The following CDC42BPA variants were observed in gnomAD, a reference collection of about 807,000 sequenced individuals.
CDC42BPA encodes the protein serine/threonine-protein kinase MRCK alpha.
CDC42BPA carries 80 observed loss-of-function variants against 223.5 expected under a neutral mutation model. The ratio of observed to expected loss-of-function variants is 0.36; its 90% CI spans 0.30 to 0.43. The LOEUF is 0.43. Among genes scored for constraint, CDC42BPA ranks in the 20% least tolerant of loss-of-function variants. The probability of loss-of-function intolerance (pLI) is 1.00; values close to 1 mark genes in which losing one functional copy is unlikely to be tolerated. For synonymous variants in CDC42BPA, 694 were observed against 718.6 expected, an observed-to-expected ratio of 0.97 and a Z score of 0.55; for missense variants, 1,743 against 2,099.9, an observed-to-expected ratio of 0.83 and a Z score of 3.32.
chr1:227,015,265 A>G (rs1665981316), intron 34 of CDC42BPA, among the ~76,000 whole-genome samples: 1 of 152,004 alleles, frequency 6.6e-6, no homozygotes, highest in African/African-American at 2.4e-5. Context: ...CTCTACTAAA[A>G]ATACAAAATT....
intron 3 of CDC42BPA, among the ~76,000 whole-genome samples, chr1:227,203,666 C>T (rs189094733): frequency 8.5e-5 from 13 of 152,308 alleles, no homozygotes; most frequent in Admixed American, 7.8e-4. Flanking sequence ...GATCATATCA[C>T]TTCCTCGGAT....
intron 17 of CDC42BPA, among the ~76,000 whole-genome samples, chr1:227,076,171 CCTT>C (rs1217082433): frequency 6.6e-6 from 1 of 152,044 alleles, no homozygotes; most frequent in African/African-American, 2.4e-5. Context: ...TCACACAACT[CCTT>C]CTCATAATCA....
intron 6 of CDC42BPA, among the ~76,000 whole-genome samples, chr1:227,158,061 G>A (rs1439752053): frequency 2.0e-5 from 3 of 151,642 alleles, no homozygotes; most frequent in Admixed American, 1.3e-4. Context: ...GGGTTCAAGC[G>A]ATTCTCCTGC....
chr1:227,110,989 C>T (rs1243628208), intron 14 of CDC42BPA, among the ~76,000 whole-genome samples: 10 of 152,142 alleles, frequency 6.6e-5, no homozygotes, highest in African/African-American at 2.4e-4. Context: ...TGGTCCTTTG[C>T]CAGGGCCAAA....
At chr1:227,038,999 G>C (rs973081371) in intron 24 of CDC42BPA, among the ~76,000 whole-genome samples, 3 of 152,186 alleles carry the variant, frequency 2.0e-5, no homozygotes, top group Non-Finnish European at 2.9e-5. Context: ...AAAAACGCCT[G>C]GGAAAAGCTT....
intron 2 of CDC42BPA, among the ~76,000 whole-genome samples, chr1:227,228,150 G>A (rs1558814587): frequency 6.6e-6 from 1 of 152,184 alleles, no homozygotes; most frequent in Non-Finnish European, 1.5e-5. Context: ...AGGGAGACCA[G>A]CAGGATAAAC....
At chr1:227,153,396 T>C (rs1284812333) in intron 6 of CDC42BPA, among the ~76,000 whole-genome samples, 2 of 151,838 alleles carry the variant, frequency 1.3e-5, no homozygotes, top group African/African-American at 4.8e-5. Flanking sequence ...CAAATAAATA[T>C]AATACTATGA....
intron 6 of CDC42BPA, among the ~76,000 whole-genome samples, chr1:227,159,270 T>C (rs975806084): frequency 1.3e-5 from 2 of 152,142 alleles, no homozygotes; most frequent in African/African-American, 4.8e-5. Context: ...GCAGATAACC[T>C]GAGGTCAGGA....
chr1:227,245,282 ATCTTTTTTT>A lies in CDC42BPA; in HGVS notation c.270+8773_270+8781del, dbSNP rs528819788. Among the ~76,000 whole-genome samples, 624 of 129,390 alleles carry A rather than the reference ATCTTTTTTT, an allele frequency of 4.8e-3. 6 individuals are homozygous for A. Among genetic ancestry groups the A allele is most frequent in the African/African-American group, 0.016 (591 of 36,528 alleles). The allele number at this position is 129,390 out of a possible 152,430, so 84.9% of individuals were successfully genotyped here. A position where few individuals can be genotyped will look rare whatever the true frequency, so the allele number is the denominator to read the frequency against. On this transcript the variant is annotated intron_variant, in intron 2 of 36. Coordinates refer to ENST00000366766, the MANE Select transcript of CDC42BPA (RefSeq NM_001394014.1). ...AAGAGTAAAGAGGACTTTGTCTTGC[ATCTTTTTTT>A]TTTTTTTTTTTTTTTTGAGACGGAG...
intron 32 of CDC42BPA, among the ~76,000 whole-genome samples, 164 bp downstream of exon 32, chr1:227,023,099 A>G (rs1468864383): frequency 5.3e-5 from 8 of 152,236 alleles, no homozygotes; most frequent in Non-Finnish European, 1.0e-4. Context: ...AATTTATTCT[A>G]ATATATTAAG....
chr1:227,195,417 C>A (rs943935467), intron 4 of CDC42BPA, among the ~76,000 whole-genome samples: 1 of 152,154 alleles, frequency 6.6e-6, no homozygotes, highest in Non-Finnish European at 1.5e-5. Context: ...TGGTCTTGAT[C>A]TCCTGACCTG....
chr1:227,065,650 A>G (rs1676891839), intron 21 of CDC42BPA, among the ~76,000 whole-genome samples: 1 of 152,216 alleles, frequency 6.6e-6, no homozygotes, highest in Non-Finnish European at 1.5e-5. Flanking sequence ...GGAACATTTT[A>G]ACTTAAAACC....
intron 5 of CDC42BPA, among the ~76,000 whole-genome samples, chr1:227,176,016 G>A (rs1301794264): frequency 2.0e-5 from 3 of 152,104 alleles, no homozygotes; most frequent in Non-Finnish European, 2.9e-5. Context: ...GCAGTGGTGC[G>A]ATCTTGGCTC....
At chr1:227,021,301 C>T (rs575120441) in intron 32 of CDC42BPA, among the ~76,000 whole-genome samples, 5 of 152,008 alleles carry the variant, frequency 3.3e-5, no homozygotes, top group African/African-American at 9.6e-5. Flanking sequence ...CTGTGGAGCA[C>T]GATAAAGTGG....
intron 14 of CDC42BPA, among the ~76,000 whole-genome samples, chr1:227,101,975 A>T (rs1435878537): frequency 2.6e-5 from 4 of 152,206 alleles, no homozygotes; most frequent in African/African-American, 2.4e-5. Flanking sequence ...TTATGACTGT[A>T]AGATTTCCTA....
At chr1:227,030,119 G>T (rs997576674) in intron 29 of CDC42BPA, among the ~76,000 whole-genome samples, 4 of 146,048 alleles carry the variant, frequency 2.7e-5, no homozygotes, top group African/African-American at 1.0e-4. Flanking sequence ...GGCAGCAAGA[G>T]TGAAACTCTG....
intron 6 of CDC42BPA, among the ~76,000 whole-genome samples, chr1:227,159,868 C>T (rs1281986108): frequency 6.6e-6 from 1 of 151,782 alleles, no homozygotes; most frequent in Non-Finnish European, 1.5e-5. Flanking sequence ...GGGTGGGAGA[C>T]AGGACTTCAC....
At chr1:227,182,961 C>G (rs1383260068) in intron 5 of CDC42BPA, 1 of 152,226 alleles carries the variant, frequency 6.6e-6, no homozygotes, top group African/African-American at 2.4e-5. Context: ...CGGGGAATCT[C>G]AGGACTTCAG....
At chr1:227,273,049 T>C (rs1042054944) in intron 1 of CDC42BPA, among the ~76,000 whole-genome samples, 7 of 152,202 alleles carry the variant, frequency 4.6e-5, no homozygotes, top group African/African-American at 1.4e-4. Context: ...TCCCAGCACT[T>C]TGGGAGGCCA....
Sources: allele counts gnomAD v4.1 joint callset (sites outside exome capture counted in the v4.1 genomes callset), GRCh38; gene constraint gnomAD v4.1.1; transcripts MANE v1.5; gene names NCBI Gene and HGNC (gene_info 2026-07-23, HGNC 2026-07-21).